The following SPON1 variants were observed in gnomAD, a reference collection of about 807,000 sequenced individuals.
The protein encoded by SPON1 is spondin 1.
Under a neutral mutation model 111.7 loss-of-function variants are expected in SPON1, and 52 were observed. That is an observed-to-expected ratio of 0.47 (90% CI 0.37 to 0.59). The LOEUF (loss-of-function observed/expected upper bound fraction) is 0.59, where lower values mean the gene tolerates loss of function less well. Ranked by LOEUF, SPON1 falls within the 20% of genes least tolerant of loss-of-function variation. The pLI is 0.00. For synonymous variants in SPON1, 410 were observed against 395.8 expected, an observed-to-expected ratio of 1.04 and a Z score of -0.43; for missense variants, 957 against 1,068.5, an observed-to-expected ratio of 0.90 and a Z score of 1.46.
chr11:14,264,437 G>A (rs1449023089), intron 15 of SPON1, among the ~76,000 whole-genome samples: 1 of 152,144 alleles, frequency 6.6e-6, no homozygotes, highest in Non-Finnish European at 1.5e-5. Context: ...TGCCTGCCAG[G>A]GACTTCAGTG....
At chr11:13,968,421 A>G (rs1334014974) in intron 1 of SPON1, among the ~76,000 whole-genome samples, 3 of 152,228 alleles carry the variant, frequency 2.0e-5, no homozygotes, top group Admixed American at 6.5e-5. Context: ...AAATGTGGCT[A>G]TTCTGAATGG....
At chr11:14,140,104 A>T (rs1847636542) in intron 6 of SPON1, among the ~76,000 whole-genome samples, 1 of 152,118 alleles carries the variant, frequency 6.6e-6, no homozygotes, top group Non-Finnish European at 1.5e-5. Context: ...TCCTTAGGGG[A>T]ATCTGTGCAT....
chr11:14,066,657 A>G (rs1554920378), intron 3 of SPON1, among the ~76,000 whole-genome samples: 1 of 152,024 alleles, frequency 6.6e-6, no homozygotes, highest in Non-Finnish European at 1.5e-5. Context: ...GAAAAAAAGT[A>G]TTTCCCTTGC....
chr11:14,109,861 T>C (rs1849214485), intron 5 of SPON1, among the ~76,000 whole-genome samples: 1 of 152,162 alleles, frequency 6.6e-6, no homozygotes, highest in Admixed American at 6.5e-5. Flanking sequence ...TTCTTCTCTG[T>C]GGGCAGGAAG....
intron 10 of SPON1, 133 bp from the exon 11 acceptor site, chr11:14,257,583 C>T (rs1849123216): frequency 1.1e-5 from 8 of 704,132 alleles, no homozygotes; most frequent in Non-Finnish European, 1.8e-5. Flanking sequence ...GCTTCCATCC[C>T]AGGAGCACCC....
intron 3 of SPON1, among the ~76,000 whole-genome samples, chr11:14,047,113 C>T (rs1461495564): frequency 3.3e-5 from 5 of 151,900 alleles, no homozygotes; most frequent in South Asian, 2.1e-4. Context: ...TTGGGATTGT[C>T]GATGTAAATG....
chr11:14,166,771 C>A (rs1191179975), intron 6 of SPON1, among the ~76,000 whole-genome samples: 1 of 152,130 alleles, frequency 6.6e-6, no homozygotes, highest in Non-Finnish European at 1.5e-5. Context: ...ATACTCATAA[C>A]ATTTATACAA....
intron 5 of SPON1, among the ~76,000 whole-genome samples, chr11:14,131,139 T>C (rs1847524035): frequency 6.6e-6 from 1 of 152,206 alleles, no homozygotes; most frequent in Non-Finnish European, 1.5e-5. Flanking sequence ...TTCTTTTTCA[T>C]CTAATTTCTT....
chr11:14,123,266 G>A (rs1452818888), intron 5 of SPON1, among the ~76,000 whole-genome samples: 2 of 152,114 alleles, frequency 1.3e-5, no homozygotes, highest in Non-Finnish European at 2.9e-5. Flanking sequence ...GATGGACATT[G>A]TAAATACTAC....
chr11:13,990,002 C>A (rs546812987), intron 2 of SPON1, among the ~76,000 whole-genome samples: 15 of 152,236 alleles, frequency 9.9e-5, no homozygotes, highest in African/African-American at 3.4e-4. Flanking sequence ...TGATGAGGTG[C>A]TGAGAAGAAT....
At chr11:14,216,174 G>C (rs1388956992) in intron 6 of SPON1, among the ~76,000 whole-genome samples, 3 of 152,198 alleles carry the variant, frequency 2.0e-5, no homozygotes, top group Admixed American at 6.5e-5. Context: ...CATACAGGAA[G>C]CCTCTGAACC....
intron 1 of SPON1, among the ~76,000 whole-genome samples, chr11:13,975,091 C>G (rs187002621): frequency 8.9e-4 from 136 of 152,310 alleles, no homozygotes; most frequent in African/African-American, 3.1e-3. Flanking sequence ...GATGTTCTCT[C>G]CTCTGCAACC....
intron 6 of SPON1, among the ~76,000 whole-genome samples, chr11:14,219,824 G>A (rs1157622477): frequency 6.6e-6 from 1 of 152,130 alleles, no homozygotes; most frequent in Non-Finnish European, 1.5e-5. Flanking sequence ...AAATACCTTT[G>A]CTTCAACTCT....
chr11:14,193,348 C>T (rs1189351778), intron 6 of SPON1, among the ~76,000 whole-genome samples: 1 of 152,134 alleles, frequency 6.6e-6, no homozygotes, highest in Admixed American at 6.5e-5. Context: ...CGCACTGCCA[C>T]GCCACCCCAA....
At chr11:14,094,836 C>T (rs1554923729) in intron 5 of SPON1, among the ~76,000 whole-genome samples, 1 of 152,072 alleles carries the variant, frequency 6.6e-6, no homozygotes, top group African/African-American at 2.4e-5. Flanking sequence ...TTGGATGGGG[C>T]CAGTGGTGTG....
chr11:14,213,570 G>A lies in SPON1; in HGVS notation c.826-29762G>A, dbSNP rs61572500. Among the ~76,000 whole-genome samples the A allele has an allele frequency of 2.0e-5, 3 of 152,200 alleles. 1 individual carries two copies. The South Asian group carries it at 6.2e-4, about 32-fold the overall frequency. On this transcript the variant is annotated intron_variant, in intron 6 of 15. Transcript: ENST00000576479. ...GGTTGACAATAGTAATTAATCAAAC[G>A]ATATTTATTGAGCACTTTCTATGTA...
intron 2 of SPON1, among the ~76,000 whole-genome samples, chr11:14,005,166 G>C (rs1407762714): frequency 2.0e-5 from 3 of 152,142 alleles, no homozygotes; most frequent in Admixed American, 6.5e-5. Flanking sequence ...ATGTTGAGGA[G>C]GTTTTCTGCT....
At chr11:14,103,531 G>A (rs2133844795) in intron 5 of SPON1, among the ~76,000 whole-genome samples, 1 of 152,260 alleles carries the variant, frequency 6.6e-6, no homozygotes, top group African/African-American at 2.4e-5. Context: ...CCCACCACTG[G>A]GCCAGAGGAA....
intron 5 of SPON1, among the ~76,000 whole-genome samples, chr11:14,114,461 T>C (rs1209145139): frequency 6.6e-6 from 1 of 152,230 alleles, no homozygotes; most frequent in African/African-American, 2.4e-5. Context: ...CTCAGTTCAC[T>C]GGAACTTGGC....
Sources: allele counts gnomAD v4.1 joint callset (sites outside exome capture counted in the v4.1 genomes callset), GRCh38; gene constraint gnomAD v4.1.1; transcripts MANE v1.5; gene names NCBI Gene and HGNC (gene_info 2026-07-23, HGNC 2026-07-21).